Variants in CAB39 observed in about 807,000 individuals in gnomAD.
The protein encoded by CAB39 is calcium binding protein 39, also known as calcium-binding protein 39.
Under a neutral mutation model 40.0 loss-of-function variants are expected in CAB39, and 8 were observed. That is an observed-to-expected ratio of 0.20 (90% CI 0.12 to 0.36). CAB39 has a LOEUF of 0.36. Among genes scored for constraint, CAB39 ranks in the 10% least tolerant of loss-of-function variants. The pLI, the probability that CAB39 is intolerant of heterozygous loss-of-function variation, is 1.00. For synonymous variants in CAB39, 156 were observed against 141.6 expected (o/e 1.10, Z -0.72); for missense variants, 270 against 401.1 (o/e 0.67, Z 2.79).
chr2:230,738,138 G>A (rs182651220), intron 1 of CAB39, among the ~76,000 whole-genome samples: 1 of 152,254 alleles, frequency 6.6e-6, no homozygotes, highest in East Asian at 1.9e-4. Context: ...AAACGTCTCC[G>A]CTGAAGTCTG....
chr2:230,715,728 G>A (rs943922102), intron 1 of CAB39, among the ~76,000 whole-genome samples: 2 of 152,194 alleles, frequency 1.3e-5, no homozygotes, highest in African/African-American at 4.8e-5. Flanking sequence ...TTTGAGACAG[G>A]TTCTCACTCG....
chr2:230,728,239 A>AAAATAAAT lies in CAB39; in HGVS notation c.-44+15029_-44+15036dup, dbSNP rs78505542. 5.3e-3 allele frequency among the ~76,000 whole-genome samples: 809 copies of AAAATAAAT among 151,928 alleles called. 5 individuals carry two copies. The highest frequency in any genetic ancestry group is 0.012 in the African/African-American group (509 of 41,476). ...GGCGATAGAGTGAGACTCCGTCTCA[A>AAAATAAAT]AAATAAATAAATAAATAAATAAATA... On this transcript the variant is annotated intron_variant, in intron 1 of 8. Transcript: ENST00000258418.
intron 1 of CAB39, among the ~76,000 whole-genome samples, chr2:230,723,208 A>G (rs1281612339): frequency 6.6e-6 from 1 of 152,156 alleles, no homozygotes; most frequent in Non-Finnish European, 1.5e-5. Context: ...GAGTTTGCCC[A>G]TCCTCAATAT....
At chr2:230,812,142 T>C (rs1392444232) in intron 6 of CAB39, among the ~76,000 whole-genome samples, 1 of 152,180 alleles carries the variant, frequency 6.6e-6, no homozygotes, top group Non-Finnish European at 1.5e-5. Context: ...GATGACAGTA[T>C]TTGTAGAGTA....
At chr2:230,794,678 AC>A (rs1291023771) in intron 4 of CAB39, among the ~76,000 whole-genome samples, 2 of 152,194 alleles carry the variant, frequency 1.3e-5, no homozygotes, top group Non-Finnish European at 2.9e-5. Flanking sequence ...TGGTGGGCCC[AC>A]CGGAAGCCCC....
At chr2:230,805,867 C>T (rs1257941434) in intron 5 of CAB39, among the ~76,000 whole-genome samples, 1 of 152,212 alleles carries the variant, frequency 6.6e-6, no homozygotes, top group African/African-American at 2.4e-5. Flanking sequence ...TTCCACGGGG[C>T]TTTCCCCACC....
At chr2:230,779,174 A>G (rs1046305316) in intron 2 of CAB39, 6 of 152,200 alleles carry the variant, frequency 3.9e-5, no homozygotes, top group African/African-American at 1.4e-4. Flanking sequence ...CAGGCTCCAT[A>G]GTTTAGAATT....
At position 230,760,130 on chromosome 2, in the gene CAB39, T is replaced by G. The variant is rs747709193; in HGVS notation, c.114+15T>G. On this transcript the variant is annotated intron_variant, in intron 2 of 8. Transcript: ENST00000258418. ...AAGCAGAAAAGGTATGGATTTGGCT[T>G]TATTTATATTTGAAATATCTTAATT... The G allele has an allele frequency of 1.6e-5, 24 of 1,491,494 alleles. No homozygotes were observed. Among genetic ancestry groups the G allele is most frequent in the Middle Eastern group, 3.4e-4 (2 of 5,856 alleles). 92.4% of individuals were successfully genotyped at this position (1,491,494 alleles called of 1,614,324 possible).
intron 2 of CAB39, among the ~76,000 whole-genome samples, chr2:230,789,518 T>TGA (rs1332284379): frequency 6.6e-6 from 1 of 152,244 alleles, no homozygotes; most frequent in African/African-American, 2.4e-5. Context: ...CAAAACCCCC[T>TGA]GAGTACTTTG....
rs565906482 is a variant in CAB39, at chr2:230,818,887, T to A, written c.*183T>A. 24 of 539,428 alleles carry A rather than the reference T, an allele frequency of 4.4e-5. No homozygotes were observed. Among genetic ancestry groups the A allele is most frequent in the African/African-American group, 3.8e-4 (20 of 52,384 alleles). The allele number at this position is 539,428 out of a possible 1,614,324, so 33.4% of individuals were successfully genotyped here. ...ATCGTAGCTGCTGCTGCTTGCACAC[T>A]AGGGCACATGTGGGCTTTCTCTTGA... On this transcript the variant is annotated 3_prime_UTR_variant, in exon 9 of 9. Transcript: ENST00000258418.
intron 2 of CAB39, among the ~76,000 whole-genome samples, chr2:230,790,156 C>T (rs948608447): frequency 6.6e-6 from 1 of 151,884 alleles, no homozygotes; most frequent in African/African-American, 2.4e-5. Context: ...CCAGGAGGAT[C>T]GATTAAGTCC....
Position 230,820,764 on chromosome 2 carries a change from G to A in CAB39, c.*2060G>A, listed in dbSNP as rs556088274. 1 of 152,738 alleles carries A rather than the reference G, an allele frequency of 6.5e-6. No homozygotes were observed. The highest frequency in any genetic ancestry group is 2.1e-4 in the South Asian group (1 of 4,826). The allele number at this position is 152,738 out of a possible 1,614,324, so 9.5% of individuals were successfully genotyped here. On this transcript the variant is annotated 3_prime_UTR_variant, in exon 9 of 9. Transcript: ENST00000258418. ...GGAATCTGAAGGTAGTTCAGACTTC[G>A]TGGGTTTTGTTTTTAAGCAAAACAA...
In CAB39 at chr2:230,769,625, A is replaced by C. The variant is rs560329715; in HGVS notation, c.114+9510A>C. Among the ~76,000 whole-genome samples the C allele has an allele frequency of 3.3e-5, 5 of 152,324 alleles. No homozygotes were observed. The South Asian group carries it at 1.0e-3, about 32-fold the overall frequency. ...ACAGAAAAATCCTTAGAAAATCCCA[A>C]AATATTTAGGAACTAAATATCGTAC... On this transcript the variant is annotated intron_variant, in intron 2 of 8. Coordinates refer to ENST00000258418, the MANE Select transcript of CAB39 (RefSeq NM_016289.4).
intron 1 of CAB39, among the ~76,000 whole-genome samples, chr2:230,746,294 C>G (rs1255154703): frequency 1.3e-5 from 2 of 152,120 alleles, no homozygotes; most frequent in Non-Finnish European, 2.9e-5. Flanking sequence ...AGAAAGGGTG[C>G]AGGGTGGTTT....
intron 5 of CAB39, among the ~76,000 whole-genome samples, chr2:230,804,717 G>A (rs1460229686): frequency 6.6e-6 from 1 of 152,230 alleles, no homozygotes; most frequent in Non-Finnish European, 1.5e-5. Context: ...ACACCAGTTA[G>A]AATGGCGATC....
chr2:230,760,859 G>A (rs1695276607), intron 2 of CAB39, among the ~76,000 whole-genome samples: 1 of 152,152 alleles, frequency 6.6e-6, no homozygotes, highest in African/African-American at 2.4e-5. Flanking sequence ...CCTTCTTGAA[G>A]AAGTTGTTCA....
chr2:230,801,447 C>CTA (rs1288079187), intron 5 of CAB39, among the ~76,000 whole-genome samples: 3 of 152,178 alleles, frequency 2.0e-5, no homozygotes, highest in African/African-American at 7.2e-5. Context: ...AAGAATAGAT[C>CTA]TATGGTTCAT....
chr2:230,736,771 A>G (rs921446908), intron 1 of CAB39, among the ~76,000 whole-genome samples: 3 of 152,240 alleles, frequency 2.0e-5, no homozygotes, highest in Admixed American at 6.5e-5. Flanking sequence ...GTAAAAATGA[A>G]GTACCTGAGT....
chr2:230,757,523 G>A (rs1020004258), intron 1 of CAB39, among the ~76,000 whole-genome samples: 13 of 152,100 alleles, frequency 8.5e-5, no homozygotes, highest in African/African-American at 9.7e-5. Context: ...TTTTATATAT[G>A]TGTTCTTTTT....
Sources: allele counts gnomAD v4.1 joint callset (sites outside exome capture counted in the v4.1 genomes callset), GRCh38; gene constraint gnomAD v4.1.1; transcripts MANE v1.5; gene names NCBI Gene and HGNC (gene_info 2026-07-23, HGNC 2026-07-21).